The following ATXN7 variants were observed in gnomAD, a reference collection of about 807,000 sequenced individuals.
ATXN7 encodes ataxin 7, also known as ataxin-7.
In ATXN7, 12 loss-of-function variants were observed where a neutral mutation model predicts 70.5. The ratio of observed to expected loss-of-function variants is 0.17; its 90% CI spans 0.11 to 0.28. ATXN7 has a LOEUF of 0.28. Among genes scored for constraint, ATXN7 ranks in the 10% least tolerant of loss-of-function variants. The probability of loss-of-function intolerance (pLI) is 1.00; values close to 1 mark genes in which losing one functional copy is unlikely to be tolerated. For missense variants in ATXN7, 1,256 were observed against 1,131.7 expected, an observed-to-expected ratio of 1.11 and a Z score of -1.58; for synonymous variants, 498 against 448.7, an observed-to-expected ratio of 1.11 and a Z score of -1.39.
intron 4 of ATXN7, among the ~76,000 whole-genome samples, chr3:63,931,080 A>G (rs895936031): frequency 1.3e-5 from 2 of 152,108 alleles, no homozygotes; most frequent in African/African-American, 2.4e-5. Context: ...GCTGGAGTTA[A>G]TGGTATATAC....
chr3:63,983,192 A>G (rs2075518236), intron 8 of ATXN7, among the ~76,000 whole-genome samples, 171 bp downstream of exon 8: 1 of 152,238 alleles, frequency 6.6e-6, no homozygotes, highest in South Asian at 2.1e-4. Flanking sequence ...TCAGATTGAC[A>G]AAATGTGAAG....
At chr3:63,947,994 T>TA (rs2106642766) in intron 4 of ATXN7, among the ~76,000 whole-genome samples, 1 of 152,286 alleles carries the variant, frequency 6.6e-6, no homozygotes, top group South Asian at 2.1e-4. Context: ...GCTGGAGTTC[T>TA]ATTCCAAGAG....
At chr3:63,958,338 T>G (rs7647377) in intron 5 of ATXN7, among the ~76,000 whole-genome samples, 3,881 of 152,310 alleles carry the variant, frequency 0.025, 80 homozygotes, top group African/African-American at 0.06. Context: ...TATGAGAAAT[T>G]ACTCATACTT....
At chr3:63,890,505 G>T (rs1703225658) in intron 1 of ATXN7, among the ~76,000 whole-genome samples, 4 of 152,176 alleles carry the variant, frequency 2.6e-5, no homozygotes, top group Admixed American at 6.5e-5. Context: ...AAATCTTTCA[G>T]ATTGTAAATG....
At chr3:63,973,665 A>T (rs1293628238) in intron 5 of ATXN7, among the ~76,000 whole-genome samples, 5 of 152,038 alleles carry the variant, frequency 3.3e-5, no homozygotes, top group Non-Finnish European at 1.5e-5. Context: ...GAGCTCTTGA[A>T]TTGCACCCAA....
chr3:63,999,714 A>C lies in ATXN7; in HGVS notation c.*247A>C, dbSNP rs982680059. ...ACCGAATTGCTTTTATCAGTGTTAA[A>C]GTGGTCTGAACTGCTTGCTACCAAT... is the stretch of plus-strand genomic sequence containing the variant. On this transcript the variant is annotated 3_prime_UTR_variant, in exon 13 of 13. Coordinates refer to ENST00000674280, the MANE Select transcript of ATXN7 (RefSeq NM_001377405.1). 4.4e-6 allele frequency: 3 copies of C among 679,196 alleles called. No homozygotes were observed. Among genetic ancestry groups the C allele is most frequent in the Admixed American group, 2.6e-5 (1 of 38,826 alleles). 42.1% of individuals were successfully genotyped at this position (679,196 alleles called of 1,614,324 possible). A position where few individuals can be genotyped will look rare whatever the true frequency, so the allele number is the denominator to read the frequency against.
intron 5 of ATXN7, among the ~76,000 whole-genome samples, chr3:63,953,636 T>C (rs2074990933): frequency 6.6e-6 from 1 of 151,184 alleles, no homozygotes; most frequent in South Asian, 2.1e-4. Context: ...CTAGGAAGAC[T>C]GCATAGCTTT....
intron 11 of ATXN7, among the ~76,000 whole-genome samples, chr3:63,991,968 A>AG (rs2075679049): frequency 6.6e-6 from 1 of 152,290 alleles, no homozygotes; most frequent in Admixed American, 6.5e-5. Flanking sequence ...AACCTTTTTT[A>AG]GGGGAACATC....
At chr3:63,985,990 A>T (rs1315633943) in intron 8 of ATXN7, among the ~76,000 whole-genome samples, 1 of 152,230 alleles carries the variant, frequency 6.6e-6, no homozygotes, top group Non-Finnish European at 1.5e-5. Context: ...AGATGAGAGG[A>T]CTACATTATG....
chr3:63,969,716 C>T (rs956451600), intron 5 of ATXN7, among the ~76,000 whole-genome samples: 3 of 152,072 alleles, frequency 2.0e-5, no homozygotes, highest in Non-Finnish European at 4.4e-5. Flanking sequence ...TGTGTAAAGA[C>T]TGAGTATGTT....
intron 4 of ATXN7, among the ~76,000 whole-genome samples, chr3:63,914,573 C>G (rs1704187162): frequency 1.3e-5 from 2 of 152,188 alleles, no homozygotes; most frequent in South Asian, 4.1e-4. Context: ...GGTGGCAACT[C>G]TCACAGTAAG....
intron 4 of ATXN7, among the ~76,000 whole-genome samples, chr3:63,916,231 C>G (rs544491911): frequency 2.0e-5 from 3 of 152,254 alleles, no homozygotes; most frequent in South Asian, 4.2e-4. Context: ...CACACTAATT[C>G]CTTTTAACTC....
chr3:63,887,375 G>T (rs1281639293), intron 1 of ATXN7, among the ~76,000 whole-genome samples: 4 of 152,182 alleles, frequency 2.6e-5, no homozygotes, highest in African/African-American at 9.7e-5. Flanking sequence ...TAGCCAGAGA[G>T]ATGTTTGAAG....
At chr3:63,981,281 G>A (rs1036422746) in intron 6 of ATXN7, among the ~76,000 whole-genome samples, 1 of 152,212 alleles carries the variant, frequency 6.6e-6, no homozygotes, top group Non-Finnish European at 1.5e-5. Context: ...TCTTCTGTCA[G>A]AAGTACAGTA....
intron 2 of ATXN7, among the ~76,000 whole-genome samples, chr3:63,906,618 C>G (rs1703848055): frequency 6.6e-6 from 1 of 152,100 alleles, no homozygotes; most frequent in Non-Finnish European, 1.5e-5. Flanking sequence ...GGGATGAGTT[C>G]CCATGTATGT....
At position 63,908,165 on chromosome 3, in the gene ATXN7, T is replaced by G. The variant is rs1703904457; in HGVS notation, c.-11-4423T>G. On this transcript the variant is annotated intron_variant, in intron 2 of 12. Coordinates refer to ENST00000674280, the MANE Select transcript of ATXN7 (RefSeq NM_001377405.1). ...TCCTCACTCTTGCAACTTTCCTTAT[T>G]ATTCCTAATTTTGCACTTGATTGCT... is the stretch of plus-strand genomic sequence containing the variant. Among the ~76,000 whole-genome samples the G allele has an allele frequency of 2.0e-5, 3 of 152,212 alleles. No individual in the cohort carries two copies. The South Asian group carries it at 6.2e-4, about 31-fold the overall frequency.
intron 1 of ATXN7, among the ~76,000 whole-genome samples, chr3:63,867,236 G>T (rs544732480): frequency 2.0e-5 from 3 of 152,264 alleles, no homozygotes; most frequent in African/African-American, 4.8e-5. Context: ...CTGGAAGAGG[G>T]TCTGTAGTTG....
chr3:63,899,800 G>C (rs543834569), intron 2 of ATXN7, among the ~76,000 whole-genome samples: 4 of 152,154 alleles, frequency 2.6e-5, no homozygotes, highest in African/African-American at 9.6e-5. Flanking sequence ...TGTATTTTTA[G>C]TAGACACGGG....
At chr3:63,907,554 A>T (rs973974667) in intron 2 of ATXN7, among the ~76,000 whole-genome samples, 8 of 149,898 alleles carry the variant, frequency 5.3e-5, no homozygotes, top group African/African-American at 2.0e-4. Context: ...CAATCTCCCA[A>T]ACTTAAGCAG....
Sources: gnomAD v4.1 joint callset for allele counts (sites outside exome capture counted in the v4.1 genomes callset) on GRCh38, gnomAD v4.1.1 for gene constraint, MANE v1.5 for transcripts, NCBI Gene and HGNC (gene_info 2026-07-23, HGNC 2026-07-21) for gene names.